Variants in DLC1 observed in about 807,000 individuals in gnomAD.
The protein encoded by DLC1 is rho GTPase-activating protein 7.
DLC1 carries 54 observed loss-of-function variants against 140.3 expected under a neutral mutation model. That is an observed-to-expected ratio of 0.38 (90% CI 0.31 to 0.48). DLC1 has a LOEUF of 0.48. Ranked by LOEUF, DLC1 falls within the 20% of genes least tolerant of loss-of-function variation. The pLI is 0.96. For missense variants in DLC1, 2,536 were observed against 1,907.0 expected, an observed-to-expected ratio of 1.33 and a Z score of -6.14; for synonymous variants, 986 against 728.1, an observed-to-expected ratio of 1.35 and a Z score of -5.70.
intron 4 of DLC1, among the ~76,000 whole-genome samples, chr8:13,333,411 T>C (rs1219708716): frequency 5.3e-5 from 2 of 37,900 alleles, no homozygotes; most frequent in Non-Finnish European, 1.4e-4. Flanking sequence ...TGTTTGTTTG[T>C]TTTTTGTTTT....
intron 5 of DLC1, among the ~76,000 whole-genome samples, chr8:13,140,982 C>T (rs561114708): frequency 1.3e-5 from 2 of 152,218 alleles, no homozygotes; most frequent in South Asian, 2.1e-4. Flanking sequence ...TGGCTGGGTG[C>T]GGTGGCTCAC....
chr8:13,141,551 A>AACTGTATG (rs909884861), intron 5 of DLC1, among the ~76,000 whole-genome samples: 8 of 152,266 alleles, frequency 5.3e-5, no homozygotes, highest in African/African-American at 1.4e-4. Context: ...TGCTCATTTG[A>AACTGTATG]ACTGTATGTT....
At chr8:13,523,272 G>C (rs1292514073) in intron 1 of DLC1, among the ~76,000 whole-genome samples, 1 of 152,184 alleles carries the variant, frequency 6.6e-6, no homozygotes, top group African/African-American at 2.4e-5. Context: ...TGTGGTTCAT[G>C]CTACCAATTT....
Position 13,092,685 on chromosome 8 carries a change from T to G in DLC1, c.3667A>C (p.Thr1223Pro), listed in dbSNP as rs142779460. Residue 1223 changes from threonine (T) to proline (P), a missense_variant, in exon 13 of 18, where the codon ACC (threonine) becomes CCC (proline). Transcript: ENST00000276297. ...GGCGCTAAGCACACGGCCAGGTTGG[T>G]TGGGGTCATCTGGTTTTCTTTTACG... ...AAVKENQMTPTNLAVCLAPSL... is the reference protein window; with the variant it reads ...AAVKENQMTPPNLAVCLAPSL... 6.2e-6 allele frequency: 10 copies of G among 1,614,116 alleles called. No individual in the cohort carries two copies. The African/African-American group carries it at 1.2e-4, about 19-fold the overall frequency.
At chr8:13,457,480 C>T (rs1799449117) in intron 2 of DLC1, among the ~76,000 whole-genome samples, 1 of 151,892 alleles carries the variant, frequency 6.6e-6, no homozygotes, top group East Asian at 1.9e-4. Flanking sequence ...AAATCAAGAC[C>T]ATCCTGGCCA....
intron 4 of DLC1, among the ~76,000 whole-genome samples, chr8:13,343,727 T>C (rs1206166599): frequency 6.6e-6 from 1 of 152,172 alleles, no homozygotes; most frequent in African/African-American, 2.4e-5. Context: ...CTACACTGGA[T>C]CGCCTCTTGG....
At chr8:13,138,491 C>G (rs975834760) in intron 5 of DLC1, among the ~76,000 whole-genome samples, 3 of 152,212 alleles carry the variant, frequency 2.0e-5, no homozygotes, top group East Asian at 1.9e-4. Context: ...AAATTGATTT[C>G]TCTCCCTGAG....
At chr8:13,193,088 T>A (rs1826854444) in intron 5 of DLC1, among the ~76,000 whole-genome samples, 1 of 152,176 alleles carries the variant, frequency 6.6e-6, no homozygotes, top group Admixed American at 6.5e-5. Flanking sequence ...CCAATCCAAC[T>A]CAGGACTTTT....
intron 1 of DLC1, among the ~76,000 whole-genome samples, chr8:13,552,111 G>GTATGTATA (rs1554542384): frequency 1.3e-4 from 7 of 54,528 alleles, no homozygotes; most frequent in Admixed American, 4.5e-4. Flanking sequence ...GTCTAGAGGT[G>GTATGTATA]TATATATATA....
At chr8:13,428,845 T>C (rs1279531383) in intron 2 of DLC1, among the ~76,000 whole-genome samples, 1 of 152,218 alleles carries the variant, frequency 6.6e-6, no homozygotes, top group Non-Finnish European at 1.5e-5. Context: ...GTAGAACTAA[T>C]TCTTCAAAGA....
At chr8:13,530,082 G>A (rs1803047872) in intron 1 of DLC1, among the ~76,000 whole-genome samples, 1 of 152,170 alleles carries the variant, frequency 6.6e-6, no homozygotes, top group African/African-American at 2.4e-5. Flanking sequence ...AAGAGGGTCT[G>A]TAATGACTTT....
At chr8:13,479,140 G>C (rs997350347) in intron 2 of DLC1, among the ~76,000 whole-genome samples, 2 of 152,170 alleles carry the variant, frequency 1.3e-5, no homozygotes, top group African/African-American at 4.8e-5. Context: ...TTGGAGAAAA[G>C]ATGTTATTTT....
chr8:13,363,376 T>TG (rs1157585782), intron 4 of DLC1, among the ~76,000 whole-genome samples: 146 of 151,522 alleles, frequency 9.6e-4, no homozygotes, highest in African/African-American at 3.5e-3. Flanking sequence ...GCAGTGTTTT[T>TG]TTTTTTTTTT....
intron 5 of DLC1, chr8:13,214,840 C>T (rs1348190955): frequency 7.9e-6 from 6 of 756,438 alleles, no homozygotes; most frequent in Admixed American, 3.5e-5. Context: ...TGGTGGCAAT[C>T]AATGAGTGGC....
intron 1 of DLC1, among the ~76,000 whole-genome samples, chr8:13,522,212 G>A: frequency 6.6e-6 from 1 of 152,136 alleles, no homozygotes; most frequent in Non-Finnish European, 1.5e-5. Flanking sequence ...GATTTAACCA[G>A]AAAAGAGCTT....
chr8:13,532,590 C>G (rs1179331488), intron 1 of DLC1, among the ~76,000 whole-genome samples: 1 of 152,160 alleles, frequency 6.6e-6, no homozygotes, highest in Admixed American at 6.5e-5. Flanking sequence ...CTCTCTCTCT[C>G]TCTCTCTCAG....
chr8:13,096,316 G>T lies in DLC1; in HGVS notation c.3168-1071C>A, dbSNP rs532770236. On this transcript the variant is annotated intron_variant, in intron 10 of 17. Coordinates refer to ENST00000276297, the MANE Select transcript of DLC1 (RefSeq NM_182643.3). ...CCGAAATGAGAATCTAAAATATGCA[G>T]TTTTAAATAGCCAGCAGGGAAAATA... Among the ~76,000 whole-genome samples, 218 of 152,292 alleles carry T rather than the reference G, an allele frequency of 1.4e-3. 2 individuals are homozygous for T. The highest frequency in any genetic ancestry group is 4.5e-3 in the African/African-American group (186 of 41,566).
intron 5 of DLC1, among the ~76,000 whole-genome samples, chr8:13,224,519 G>A (rs1402743502): frequency 6.6e-6 from 1 of 152,170 alleles, no homozygotes; most frequent in Non-Finnish European, 1.5e-5. Context: ...TTAGACAAAG[G>A]CACAGGTCTT....
At chr8:13,347,391 G>A (rs1586178042) in intron 4 of DLC1, among the ~76,000 whole-genome samples, 1 of 152,212 alleles carries the variant, frequency 6.6e-6, no homozygotes, top group Non-Finnish European at 1.5e-5. Context: ...CATCGCTAGA[G>A]CTCAAGGATG....
Sources: gnomAD v4.1 joint callset for allele counts (sites outside exome capture counted in the v4.1 genomes callset) on GRCh38, gnomAD v4.1.1 for gene constraint, MANE v1.5 for transcripts, NCBI Gene and HGNC (gene_info 2026-07-23, HGNC 2026-07-21) for gene names.